Variants in CCDC47 observed in about 807,000 individuals in gnomAD.
CCDC47 encodes coiled-coil domain containing 47.
CCDC47 carries 41 observed loss-of-function variants against 60.5 expected under a neutral mutation model. The ratio of observed to expected loss-of-function variants is 0.68; its 90% CI spans 0.53 to 0.88. The LOEUF (loss-of-function observed/expected upper bound fraction) is 0.88, where lower values mean the gene tolerates loss of function less well. CCDC47 is among the 40% of genes least tolerant of loss of function. The pLI is 0.00. For synonymous variants in CCDC47, 195 were observed against 190.7 expected, an observed-to-expected ratio of 1.02 and a Z score of -0.18; for missense variants, 513 against 580.9, an observed-to-expected ratio of 0.88 and a Z score of 1.20.
In CCDC47 at chr17:63,754,495, ATAGT is replaced by A. The variant is rs756755363; in HGVS notation, c.968_971del (p.His323LeufsTer27). On this transcript the variant is annotated frameshift_variant, in exon 9 of 13. Transcript: ENST00000225726. LOFTEE classifies it high-confidence loss of function. ...AATGAACAGATTCAATCTTGTCAGC[ATAGT>A]GTGTAAGAAAGTGAACCATCTGAAA... 1 of 1,608,862 alleles carries A rather than the reference ATAGT, an allele frequency of 6.2e-7. No individual in the cohort carries two copies. The highest frequency in any genetic ancestry group is 1.1e-5 in the South Asian group (1 of 90,562).
intron 3 of CCDC47, 125 bp downstream of exon 3, chr17:63,764,615 T>C (rs1358261067): frequency 3.9e-6 from 3 of 778,700 alleles, no homozygotes; most frequent in Non-Finnish European, 3.9e-6. Flanking sequence ...GAAAAATTGA[T>C]GTCAAGCTCC....
At chr17:63,768,658 C>A (rs556105317) in intron 1 of CCDC47, among the ~76,000 whole-genome samples, 2 of 152,300 alleles carry the variant, frequency 1.3e-5, no homozygotes, top group South Asian at 4.1e-4. Flanking sequence ...CATGCTAATG[C>A]ATTCCAGCCT....
Position 63,756,218 on chromosome 17 carries a change from GTA to G in CCDC47, c.948+20_948+21del, listed in dbSNP as rs2039204421. ...CTGTAAATGCCAAGGCCTGGCAAAT[GTA>G]TGTCTTCTGTCGCATTTACCTTTGT... On this transcript the variant is annotated intron_variant, in intron 8 of 12. Transcript: ENST00000225726. The G allele has an allele frequency of 6.5e-7, 1 of 1,536,356 alleles. No individual in the cohort carries two copies. Among genetic ancestry groups the G allele is most frequent in the Non-Finnish European group, 9.0e-7 (1 of 1,109,210 alleles).
intron 12 of CCDC47, among the ~76,000 whole-genome samples, chr17:63,748,512 C>T (rs1317797607): frequency 6.6e-6 from 1 of 152,120 alleles, no homozygotes; most frequent in East Asian, 1.9e-4. Flanking sequence ...GCAACCTCTG[C>T]CTCCCAGGTT....
intron 9 of CCDC47, 79 bp downstream of exon 9, chr17:63,754,354 T>C (rs2039189204): frequency 1.2e-6 from 1 of 853,378 alleles, no homozygotes; most frequent in South Asian, 1.5e-5. Context: ...TAAGGGATAT[T>C]GCAGAAGCAC....
At chr17:63,766,722 GC>G (rs2039300611) in intron 1 of CCDC47, 1 of 618,720 alleles carries the variant, frequency 1.6e-6, no homozygotes, top group Non-Finnish European at 2.0e-6. Context: ...ACTGTGCCCA[GC>G]CCAAGTCATT....
intron 1 of CCDC47, among the ~76,000 whole-genome samples, chr17:63,766,505 C>T (rs2039299202): frequency 6.6e-6 from 1 of 152,126 alleles, no homozygotes; most frequent in South Asian, 2.1e-4. Flanking sequence ...CTCACTGCAA[C>T]CTCTGCCTCC....
chr17:63,769,206 C>T (rs903805739), intron 1 of CCDC47, among the ~76,000 whole-genome samples: 8 of 148,288 alleles, frequency 5.4e-5, no homozygotes, highest in Admixed American at 1.3e-4. Context: ...GCCATGACTG[C>T]GCCACTGCAC....
intron 1 of CCDC47, chr17:63,766,832 T>C: frequency 2.0e-6 from 2 of 978,840 alleles, no homozygotes; most frequent in Non-Finnish European, 2.4e-6. Context: ...CTATAGAAAA[T>C]GAGAAGGAGG....
intron 6 of CCDC47, among the ~76,000 whole-genome samples, 189 bp from the exon 7 acceptor site, chr17:63,756,759 GCTGA>G (rs1019864999): frequency 1.8e-4 from 27 of 152,216 alleles, no homozygotes; most frequent in African/African-American, 5.8e-4. Flanking sequence ...TCCCTAATCA[GCTGA>G]CTGTGAATTA....
Position 63,765,987 on chromosome 17 carries a change from A to G in CCDC47, c.189T>C (p.Asp63=), listed in dbSNP as rs923948028. 3 of 1,613,978 alleles carry G rather than the reference A, an allele frequency of 1.9e-6. No homozygotes were observed. Among genetic ancestry groups the G allele is most frequent in the Non-Finnish European group, 1.7e-6 (2 of 1,180,010 alleles). ...SPQRVIITED[D]EDETTVELEG... Reference sequence around the variant, plus strand: ...CCAACTCCACAGTGGTCTCATCTTCATCATCTTCAGTGATTATGACCCGTT... The same window carrying G: ...CCAACTCCACAGTGGTCTCATCTTCGTCATCTTCAGTGATTATGACCCGTT... Residue 63 remains aspartate, a synonymous_variant, in exon 2 of 13, where the codon GAT becomes GAC. Coordinates refer to ENST00000225726, the MANE Select transcript of CCDC47 (RefSeq NM_020198.3).
In CCDC47 at chr17:63,752,082, C is replaced by G; in HGVS notation, c.1229G>C (p.Arg410Pro). 1.2e-6 allele frequency: 2 copies of G among 1,613,676 alleles called. No homozygotes were observed. Among genetic ancestry groups the G allele is most frequent in the Non-Finnish European group, 1.7e-6 (2 of 1,179,954 alleles). ...REGKQKADKN[R>P]ARVEENFLKL... Reference sequence around the variant, plus strand: ...CAAGAAGTTCTCTTCTACTCGGGCACGGTTCTTATCTGCTTTTTGTTTGCC... The same window carrying G: ...CAAGAAGTTCTCTTCTACTCGGGCAGGGTTCTTATCTGCTTTTTGTTTGCC... Residue 410 changes from arginine to proline, a missense_variant, in exon 12 of 13, where the codon CGT (arginine) becomes CCT (proline). Physicochemically the swap from Arg to Pro is moderately radical, Grantham distance 103. Coordinates refer to ENST00000225726, the MANE Select transcript of CCDC47 (RefSeq NM_020198.3).
intron 12 of CCDC47, among the ~76,000 whole-genome samples, chr17:63,750,428 G>A (rs995666117): frequency 6.6e-6 from 1 of 152,100 alleles, no homozygotes; most frequent in Non-Finnish European, 1.5e-5. Flanking sequence ...AGTATCCTGG[G>A]CAGTTCACTC....
At chr17:63,753,749 A>G (rs937662846) in intron 9 of CCDC47, 3 of 307,438 alleles carry the variant, frequency 9.8e-6, no homozygotes, top group African/African-American at 4.5e-5. Flanking sequence ...CATAAATTAC[A>G]AAACACACAG....
intron 12 of CCDC47, chr17:63,747,873 G>A: frequency 1.3e-6 from 1 of 772,960 alleles, no homozygotes. Flanking sequence ...ATTTTTTTTT[G>A]AGATAGGGTC....
Position 63,754,492 on chromosome 17 carries a change from A to G in CCDC47, c.975T>C (p.Ala325=), listed in dbSNP as rs757934001. The G allele has an allele frequency of 2.5e-6, 4 of 1,609,216 alleles. No homozygotes were observed. Among genetic ancestry groups the G allele is most frequent in the Non-Finnish European group, 3.4e-6 (4 of 1,177,394 alleles). The stretch of plus-strand genomic sequence containing the variant: ...AAAAATGAACAGATTCAATCTTGTC[A>G]GCATAGTGTGTAAGAAAGTGAACCA... ...TKMVHFLTHY[A]DKIESVHFSD... is the part of the protein sequence containing the mutation. Residue 325 remains alanine, a synonymous_variant, in exon 9 of 13, where the codon GCT becomes GCC. Coordinates refer to ENST00000225726, the MANE Select transcript of CCDC47 (RefSeq NM_020198.3).
At chr17:63,759,571 A>G (rs2039240144) in intron 6 of CCDC47, among the ~76,000 whole-genome samples, 1 of 99,528 alleles carries the variant, frequency 1.0e-5, no homozygotes, top group South Asian at 3.7e-4. Context: ...ATATATATAT[A>G]TATATAAAAC....
At chr17:63,750,296 A>G (rs1223928018) in intron 12 of CCDC47, among the ~76,000 whole-genome samples, 1 of 152,222 alleles carries the variant, frequency 6.6e-6, no homozygotes, top group Non-Finnish European at 1.5e-5. Context: ...AGCCATATTT[A>G]TTTATAAAGA....
Position 63,765,870 on chromosome 17 carries a change from T to C in CCDC47, c.264+42A>G, listed in dbSNP as rs934251858. On this transcript the variant is annotated intron_variant, in intron 2 of 12. Transcript: ENST00000225726. ...TAATTTTAATGTTTGGGAAAGGTGC[T>C]AGTTACAAATTTTTCCAATAAATTA... The C allele has an allele frequency of 1.0e-5, 16 of 1,564,624 alleles. No individual in the cohort carries two copies. In the African/African-American group the frequency reaches 2.1e-4, roughly 20 times the overall value.
Sources: allele counts gnomAD v4.1 joint callset (sites outside exome capture counted in the v4.1 genomes callset), GRCh38; gene constraint gnomAD v4.1.1; transcripts MANE v1.5; gene names NCBI Gene and HGNC (gene_info 2026-07-23, HGNC 2026-07-21).